TENM3: variants seen among roughly 807,000 people sequenced by gnomAD.
TENM3 encodes teneurin-3.
TENM3 carries 63 observed loss-of-function variants against 255.1 expected under a neutral mutation model. The observed-to-expected ratio is 0.25, with a 90% confidence interval of 0.20 to 0.30. TENM3 has a LOEUF of 0.30. Ranked by LOEUF, TENM3 falls within the 10% of genes least tolerant of loss-of-function variation. The pLI is 1.00. For synonymous variants in TENM3, 1,306 were observed against 1,322.3 expected (o/e 0.99, Z 0.27); for missense variants, 2,929 against 3,461.1 (o/e 0.85, Z 3.86).
intron 3 of TENM3, among the ~76,000 whole-genome samples, chr4:182,568,951 G>A (rs1037107595): frequency 6.6e-6 from 1 of 152,198 alleles, no homozygotes; most frequent in Non-Finnish European, 1.5e-5. Flanking sequence ...CATTTATATG[G>A]TGACAGATGT....
intron 3 of TENM3, among the ~76,000 whole-genome samples, chr4:182,498,409 T>C (rs1056605182): frequency 1.3e-5 from 2 of 152,220 alleles, no homozygotes; most frequent in South Asian, 2.1e-4. Context: ...TATGCTGTTC[T>C]CCATGTTCAG....
chr4:182,730,103 A>G, intron 14 of TENM3, 97 bp from the exon 15 acceptor site: 1 of 1,437,498 alleles, frequency 7.0e-7, no homozygotes, highest in Non-Finnish European at 9.6e-7. Flanking sequence ...TGCATAGCAT[A>G]GTGTTATTTT....
At chr4:181,864,461 A>T in the TENM3 span, among the ~76,000 whole-genome samples, 1 of 152,162 alleles carries the variant, frequency 6.6e-6, no homozygotes, top group African/African-American at 2.4e-5. Context: ...AGCAAAAAAG[A>T]AAAAGAAAGA....
chr4:182,074,690 G>A, the TENM3 span, among the ~76,000 whole-genome samples: 1 of 152,184 alleles, frequency 6.6e-6, no homozygotes, highest in African/African-American at 2.4e-5. Context: ...CAGGTAAGAT[G>A]TGGTCTGCGA....
chr4:182,083,091 G>A, the TENM3 span, among the ~76,000 whole-genome samples: 2 of 152,154 alleles, frequency 1.3e-5, no homozygotes, highest in Non-Finnish European at 2.9e-5. Flanking sequence ...AGGAAATTGA[G>A]TTAACACAAG....
At chr4:182,624,075 C>T (rs1245441010) in intron 4 of TENM3, among the ~76,000 whole-genome samples, 1 of 152,090 alleles carries the variant, frequency 6.6e-6, no homozygotes. Context: ...GGATATACGC[C>T]GTGGTCTCTG....
chr4:181,605,166 G>T, the TENM3 span, among the ~76,000 whole-genome samples: 1 of 151,986 alleles, frequency 6.6e-6, no homozygotes, highest in Non-Finnish European at 1.5e-5. Flanking sequence ...AAGCAAACCA[G>T]CCGGCGTGGT....
At chr4:181,665,639 A>G in the TENM3 span, among the ~76,000 whole-genome samples, 1 of 109,988 alleles carries the variant, frequency 9.1e-6, no homozygotes, top group South Asian at 2.8e-4. Flanking sequence ...ACACACATAC[A>G]CACACATATA....
chr4:181,622,652 G>C, the TENM3 span, among the ~76,000 whole-genome samples: 2 of 152,120 alleles, frequency 1.3e-5, no homozygotes, highest in Admixed American at 1.3e-4. Context: ...CCCCAACCTG[G>C]GCAACAGAGC....
chr4:182,769,743 C>T (rs1273249941), intron 22 of TENM3, among the ~76,000 whole-genome samples: 1 of 151,302 alleles, frequency 6.6e-6, no homozygotes, highest in East Asian at 2.0e-4. Flanking sequence ...AAGATCGCAC[C>T]ACTGTACTCT....
chr4:182,146,843 T>C (rs999949754), intron 1 of TENM3, among the ~76,000 whole-genome samples: 2 of 152,188 alleles, frequency 1.3e-5, no homozygotes, highest in South Asian at 2.1e-4. Flanking sequence ...GAATTGTGAC[T>C]AGTTATTCCT....
chr4:181,641,554 G>GTATATATATATATA, the TENM3 span, among the ~76,000 whole-genome samples: 63 of 26,856 alleles, frequency 2.3e-3, 3 homozygotes, highest in Middle Eastern at 0.033. Flanking sequence ...TGGTGTGTGT[G>GTATATATATATATA]TATATATATA....
the TENM3 span, among the ~76,000 whole-genome samples, chr4:181,779,350 A>G: frequency 6.6e-6 from 1 of 151,708 alleles, no homozygotes; most frequent in African/African-American, 2.4e-5. Flanking sequence ...ATCTTGATCA[A>G]TGTTTCCTGT....
intron 24 of TENM3, among the ~76,000 whole-genome samples, chr4:182,780,169 T>C (rs1409557434): frequency 3.9e-5 from 6 of 152,176 alleles, no homozygotes; most frequent in Non-Finnish European, 7.3e-5. Context: ...GGTTTTCTTC[T>C]AGGGCTTTTA....
chr4:182,199,818 C>T (rs566485194), intron 1 of TENM3, among the ~76,000 whole-genome samples: 71 of 150,920 alleles, frequency 4.7e-4, no homozygotes, highest in African/African-American at 1.6e-3. Flanking sequence ...CTTGACCTCC[C>T]TGGACTCATA....
At chr4:182,529,799 A>G (rs1739591641) in intron 3 of TENM3, among the ~76,000 whole-genome samples, 1 of 152,226 alleles carries the variant, frequency 6.6e-6, no homozygotes, top group African/African-American at 2.4e-5. Context: ...GTCATGGTTT[A>G]CAGTGTAGTT....
At chr4:182,048,710 T>G in the TENM3 span, among the ~76,000 whole-genome samples, 1 of 152,104 alleles carries the variant, frequency 6.6e-6, no homozygotes. Flanking sequence ...ACACTGTTTA[T>G]TGAAAGAAAT....
At chr4:182,100,438 T>TAA in the TENM3 span, among the ~76,000 whole-genome samples, 2,938 of 65,638 alleles carry the variant, frequency 0.045, 137 homozygotes, top group Middle Eastern at 0.082. Context: ...TCCGTCTCCG[T>TAA]AAAAAAAAAA....
intron 3 of TENM3, among the ~76,000 whole-genome samples, chr4:182,401,116 G>A (rs1055769610): frequency 4.2e-5 from 6 of 141,574 alleles, no homozygotes; most frequent in Non-Finnish European, 8.8e-5. Flanking sequence ...TCAGCTTGGA[G>A]TTTTTTTCCC....
Sources: gnomAD v4.1 joint callset for allele counts (sites outside exome capture counted in the v4.1 genomes callset) on GRCh38, gnomAD v4.1.1 for gene constraint, MANE v1.5 for transcripts, NCBI Gene and HGNC (gene_info 2026-07-23, HGNC 2026-07-21) for gene names.